The following NTM variants were observed in gnomAD, a reference collection of about 807,000 sequenced individuals.
NTM encodes the protein neurotrimin, also known as IgLON family member 2.
In NTM, 13 loss-of-function variants were observed where a neutral mutation model predicts 42.1. That is an observed-to-expected ratio of 0.31 (90% CI 0.20 to 0.49). The LOEUF (loss-of-function observed/expected upper bound fraction) is 0.49, where lower values mean the gene tolerates loss of function less well. Among genes scored for constraint, NTM ranks in the 20% least tolerant of loss-of-function variants. The probability of loss-of-function intolerance (pLI) is 0.99; values close to 1 mark genes in which losing one functional copy is unlikely to be tolerated. For missense variants in NTM, 373 were observed against 452.8 expected (o/e 0.82, Z 1.60); for synonymous variants, 187 against 179.2 (o/e 1.04, Z -0.35).
chr11:131,917,609 T>C (rs576525361), intron 2 of NTM, among the ~76,000 whole-genome samples: 19 of 152,336 alleles, frequency 1.2e-4, no homozygotes, highest in African/African-American at 4.1e-4. Context: ...ACTCTGCTCA[T>C]CCTTTCTCTC....
At chr11:131,681,328 C>T (rs1252897980) in intron 1 of NTM, among the ~76,000 whole-genome samples, 1 of 4,406 alleles carries the variant, frequency 2.3e-4, no homozygotes, top group Non-Finnish European at 5.9e-4. Flanking sequence ...TGTGTGTGAG[C>T]GTGTGTGTTT....
intron 1 of NTM, among the ~76,000 whole-genome samples, chr11:131,466,992 C>T (rs1951963319): frequency 6.6e-6 from 1 of 152,360 alleles, no homozygotes; most frequent in East Asian, 1.9e-4. Flanking sequence ...CACGTACACA[C>T]ACGCACATGC....
intron 4 of NTM, among the ~76,000 whole-genome samples, chr11:132,219,130 G>T (rs948439212): frequency 1.3e-5 from 2 of 152,012 alleles, no homozygotes; most frequent in Non-Finnish European, 2.9e-5. Context: ...CACCCCATCT[G>T]TTCTCCTTCC....
intron 3 of NTM, among the ~76,000 whole-genome samples, chr11:132,196,473 TA>T (rs138437333): frequency 1.6e-4 from 23 of 147,502 alleles, no homozygotes; most frequent in Admixed American, 4.1e-4. Flanking sequence ...ATTGTCCCAC[TA>T]AAAAAAAAAT....
intron 2 of NTM, among the ~76,000 whole-genome samples, chr11:132,072,144 C>G (rs1248287785): frequency 6.6e-6 from 1 of 152,162 alleles, no homozygotes; most frequent in Non-Finnish European, 1.5e-5. Context: ...TGTGAATGAG[C>G]CAACCCCAGC....
chr11:131,538,921 C>CTTTTTTTTTTTTTTTT (rs58463755), intron 1 of NTM, among the ~76,000 whole-genome samples: 45 of 102,406 alleles, frequency 4.4e-4, no homozygotes, highest in Non-Finnish European at 6.4e-4. Flanking sequence ...GTTAACTTAG[C>CTTTTTTTTTTTTTTTT]TTTTTTTTTT....
intron 4 of NTM, among the ~76,000 whole-genome samples, chr11:132,289,888 C>G (rs1407763261): frequency 6.6e-6 from 1 of 152,190 alleles, no homozygotes; most frequent in East Asian, 1.9e-4. Context: ...TCCACATCCT[C>G]AGACCAAAAA....
intron 1 of NTM, among the ~76,000 whole-genome samples, chr11:131,708,005 A>G (rs1215338297): frequency 2.6e-5 from 4 of 152,202 alleles, no homozygotes; most frequent in Non-Finnish European, 4.4e-5. Context: ...GATCTTACAC[A>G]GAGGAAACTC....
At chr11:131,381,122 G>T (rs570405017) in intron 1 of NTM, among the ~76,000 whole-genome samples, 5 of 152,318 alleles carry the variant, frequency 3.3e-5, no homozygotes, top group Admixed American at 6.5e-5. Flanking sequence ...AGTAGGGGAA[G>T]GGGGAAGAAC....
intron 2 of NTM, among the ~76,000 whole-genome samples, chr11:132,134,234 C>A (rs529344186): frequency 3.0e-4 from 45 of 152,272 alleles, no homozygotes; most frequent in African/African-American, 9.6e-4. Context: ...ATACCCGTAT[C>A]TTTGGATACC....
At chr11:132,086,711 C>A (rs533639483) in intron 2 of NTM, among the ~76,000 whole-genome samples, 48 of 152,304 alleles carry the variant, frequency 3.2e-4, no homozygotes, top group Non-Finnish European at 5.6e-4. Context: ...AAACAGTGAT[C>A]CTTATCATTC....
At position 131,430,426 on chromosome 11, in the gene NTM, A is replaced by T. The variant is rs115353655; in HGVS notation, c.82+59538A>T. Among the ~76,000 whole-genome samples, 306 of 152,280 alleles carry T rather than the reference A, an allele frequency of 2.0e-3. 1 individual carries two copies. The highest frequency in any genetic ancestry group is 7.0e-3 in the African/African-American group (290 of 41,562). On this transcript the variant is annotated intron_variant, in intron 1 of 8. Coordinates refer to ENST00000683400, the MANE Select transcript of NTM (RefSeq NM_001352005.2). ...ATATGGACTGCTGTGATGGCCACAC[A>T]TCTGAAATCCAGGGAGGTATGAGGA... is the stretch of plus-strand genomic sequence containing the variant.
intron 1 of NTM, among the ~76,000 whole-genome samples, chr11:131,493,241 A>G (rs1277701871): frequency 6.6e-6 from 1 of 152,158 alleles, no homozygotes; most frequent in Non-Finnish European, 1.5e-5. Flanking sequence ...ACTGTCTCAA[A>G]TAAAGCAAAT....
chr11:132,330,098 G>A, intron 7 of NTM, 55 bp from the exon 8 acceptor site: 1 of 1,548,570 alleles, frequency 6.5e-7, no homozygotes, highest in South Asian at 1.2e-5. Context: ...AGGGCAAAGT[G>A]AGCATCTCCG....
chr11:131,774,156 C>A, intron 1 of NTM: 2 of 977,082 alleles, frequency 2.0e-6, no homozygotes, highest in African/African-American at 3.5e-5. Flanking sequence ...CAGTGGGAAA[C>A]CCATCAGCTC....
chr11:131,999,681 GC>G (rs1184942140), intron 2 of NTM, among the ~76,000 whole-genome samples: 2 of 152,188 alleles, frequency 1.3e-5, no homozygotes, highest in Non-Finnish European at 2.9e-5. Flanking sequence ...GTTTTGAAGA[GC>G]CTTGTTCTTT....
At chr11:131,813,710 C>G (rs1048515455) in intron 1 of NTM, among the ~76,000 whole-genome samples, 7 of 152,192 alleles carry the variant, frequency 4.6e-5, no homozygotes, top group Admixed American at 6.5e-5. Flanking sequence ...TTCAGCTCTA[C>G]AAATCATCTT....
At chr11:131,772,150 C>G (rs1419165703) in intron 1 of NTM, among the ~76,000 whole-genome samples, 3 of 152,180 alleles carry the variant, frequency 2.0e-5, no homozygotes, top group Non-Finnish European at 4.4e-5. Context: ...TCTCTGCCCT[C>G]AGGGAGCTTG....
chr11:132,157,906 C>G (rs1362542828), intron 3 of NTM, among the ~76,000 whole-genome samples: 1 of 152,148 alleles, frequency 6.6e-6, no homozygotes, highest in East Asian at 1.9e-4. Context: ...CTGAGCACGT[C>G]CTGCTAGATT....
Sources: gnomAD v4.1 joint callset for allele counts (sites outside exome capture counted in the v4.1 genomes callset) on GRCh38, gnomAD v4.1.1 for gene constraint, MANE v1.5 for transcripts, NCBI Gene and HGNC (gene_info 2026-07-23, HGNC 2026-07-21) for gene names.